The following PDGFD variants were observed in gnomAD, a reference collection of about 807,000 sequenced individuals.
The protein encoded by PDGFD is platelet derived growth factor D, also known as platelet-derived growth factor D.
Under a neutral mutation model 44.7 loss-of-function variants are expected in PDGFD, and 30 were observed. The ratio of observed to expected loss-of-function variants is 0.67; its 90% CI spans 0.50 to 0.91. The LOEUF (loss-of-function observed/expected upper bound fraction) is 0.91, where lower values mean the gene tolerates loss of function less well. Among genes scored for constraint, PDGFD ranks in the 40% least tolerant of loss-of-function variants. The pLI, the probability that PDGFD is intolerant of heterozygous loss-of-function variation, is 0.00. For missense variants in PDGFD, 445 were observed against 457.8 expected, an observed-to-expected ratio of 0.97 and a Z score of 0.25; for synonymous variants, 173 against 168.4, an observed-to-expected ratio of 1.03 and a Z score of -0.21.
At chr11:104,136,376 C>T (rs1475874964) in intron 1 of PDGFD, among the ~76,000 whole-genome samples, 1 of 152,122 alleles carries the variant, frequency 6.6e-6, no homozygotes, top group Admixed American at 6.5e-5. Context: ...TCAAAAAACC[C>T]AGCAATCCTC....
At chr11:104,010,645 G>C (rs1859770415) in intron 1 of PDGFD, among the ~76,000 whole-genome samples, 1 of 151,890 alleles carries the variant, frequency 6.6e-6, no homozygotes, top group Admixed American at 6.6e-5. Flanking sequence ...ATTTGAATCT[G>C]GATAAAGATT....
intron 3 of PDGFD, among the ~76,000 whole-genome samples, chr11:103,954,242 T>G (rs978420353): frequency 1.3e-5 from 2 of 152,202 alleles, no homozygotes; most frequent in African/African-American, 4.8e-5. Flanking sequence ...ATCCACTCAT[T>G]CATTCAGCAG....
chr11:104,063,215 T>C (rs1591145433), intron 1 of PDGFD, among the ~76,000 whole-genome samples: 2 of 151,872 alleles, frequency 1.3e-5, no homozygotes, highest in East Asian at 1.9e-4. Context: ...AGGCAATACA[T>C]ACCAATATCA....
chr11:103,972,289 AC>A (rs1245328628), intron 3 of PDGFD, among the ~76,000 whole-genome samples: 1 of 151,716 alleles, frequency 6.6e-6, no homozygotes, highest in East Asian at 1.9e-4. Flanking sequence ...ATCCATCCTT[AC>A]CCCCACATTG....
At chr11:103,918,740 C>A (rs906201814) in intron 6 of PDGFD, among the ~76,000 whole-genome samples, 3 of 152,164 alleles carry the variant, frequency 2.0e-5, no homozygotes. Flanking sequence ...ATTGGACTGC[C>A]TTACTGGATG....
intron 1 of PDGFD, among the ~76,000 whole-genome samples, chr11:104,104,761 A>T (rs1861448862): frequency 6.6e-6 from 1 of 152,116 alleles, no homozygotes; most frequent in Non-Finnish European, 1.5e-5. Context: ...TTGTTGAGTG[A>T]TTCATGATTG....
At chr11:104,102,697 G>A (rs552595842) in intron 1 of PDGFD, among the ~76,000 whole-genome samples, 53 of 152,280 alleles carry the variant, frequency 3.5e-4, no homozygotes, top group Non-Finnish European at 6.9e-4. Flanking sequence ...ATCAGTGATA[G>A]ACTGGATTAA....
intron 1 of PDGFD, among the ~76,000 whole-genome samples, chr11:104,032,836 A>T (rs1860150365): frequency 6.6e-6 from 1 of 152,084 alleles, no homozygotes; most frequent in African/African-American, 2.4e-5. Flanking sequence ...GAGACTCTGC[A>T]GGAATCTCAC....
chr11:104,160,653 G>A (rs1279532636), intron 1 of PDGFD, among the ~76,000 whole-genome samples: 1 of 152,176 alleles, frequency 6.6e-6, no homozygotes, highest in East Asian at 1.9e-4. Context: ...ATTAAGTACT[G>A]TAAATTATTA....
intron 3 of PDGFD, among the ~76,000 whole-genome samples, chr11:103,991,646 C>T (rs1044738029): frequency 6.6e-6 from 1 of 152,234 alleles, no homozygotes; most frequent in South Asian, 2.1e-4. Context: ...AAATGTACCT[C>T]ACATTAACAC....
intron 1 of PDGFD, among the ~76,000 whole-genome samples, chr11:104,083,019 G>A (rs977784721): frequency 1.3e-5 from 2 of 152,070 alleles, no homozygotes; most frequent in African/African-American, 2.4e-5. Flanking sequence ...GGTTTACTGC[G>A]AAAATCTTCA....
rs117063857 is a variant in PDGFD, at chr11:103,962,332, G to C, written c.511-14608C>G. ...GAGTTAGAATGTTTTCCTGATCAGA[G>C]GATTCAATAGATGAGAATCCCTTAA... On this transcript the variant is annotated intron_variant, in intron 3 of 6. Coordinates refer to ENST00000393158, the MANE Select transcript of PDGFD (RefSeq NM_025208.5). 4.6e-3 allele frequency among the ~76,000 whole-genome samples: 702 copies of C among 152,188 alleles called. 3 individuals are homozygous for C. The highest frequency in any genetic ancestry group is 9.6e-3 in the Admixed American group (146 of 15,278).
intron 3 of PDGFD, among the ~76,000 whole-genome samples, chr11:103,989,028 T>C (rs1304926961): frequency 1.3e-5 from 2 of 152,024 alleles, no homozygotes; most frequent in East Asian, 3.8e-4. Context: ...CATCTTATTA[T>C]TATTATTTTA....
At chr11:104,006,975 C>T (rs1368723662) in intron 1 of PDGFD, among the ~76,000 whole-genome samples, 1 of 152,188 alleles carries the variant, frequency 6.6e-6, no homozygotes, top group Admixed American at 6.5e-5. Flanking sequence ...GACAGCAAGG[C>T]TAAAAGTGCA....
intron 1 of PDGFD, among the ~76,000 whole-genome samples, chr11:104,016,513 C>T (rs1859859833): frequency 6.6e-6 from 1 of 152,246 alleles, no homozygotes. Flanking sequence ...CCAAGACTGG[C>T]TTGGACCCAC....
In PDGFD at chr11:103,907,202, C is replaced by A. The variant is rs1857947000; in HGVS notation, c.*2492G>T. The A allele has an allele frequency of 6.6e-6, 1 of 151,434 alleles. No individual in the cohort carries two copies. The highest frequency in any genetic ancestry group is 2.4e-5 in the African/African-American group (1 of 41,186). 9.4% of individuals were successfully genotyped at this position (151,434 alleles called of 1,614,324 possible). On this transcript the variant is annotated 3_prime_UTR_variant, in exon 7 of 7. Transcript: ENST00000393158. Reference sequence around the variant, plus strand: ...ATAATGGAGTAGTTTTGTTCAAAAGCAATATTTATTTTTCATGAAGATAAG... The same window carrying A: ...ATAATGGAGTAGTTTTGTTCAAAAGAAATATTTATTTTTCATGAAGATAAG...
At chr11:104,158,960 C>T (rs1206553751) in intron 1 of PDGFD, among the ~76,000 whole-genome samples, 1 of 151,780 alleles carries the variant, frequency 6.6e-6, no homozygotes, top group African/African-American at 2.4e-5. Flanking sequence ...CAAGACCAGC[C>T]TTACCAAGAT....
At chr11:103,933,788 G>A (rs1462797161) in intron 5 of PDGFD, among the ~76,000 whole-genome samples, 1 of 152,172 alleles carries the variant, frequency 6.6e-6, no homozygotes, top group Non-Finnish European at 1.5e-5. Flanking sequence ...GAGGACTTAA[G>A]TGACTTGCCT....
intron 6 of PDGFD, among the ~76,000 whole-genome samples, chr11:103,920,872 C>G (rs1858205062): frequency 6.6e-6 from 1 of 152,172 alleles, no homozygotes; most frequent in Non-Finnish European, 1.5e-5. Flanking sequence ...AGCATTTCAA[C>G]CACCAATTTG....
Sources: allele counts gnomAD v4.1 joint callset (sites outside exome capture counted in the v4.1 genomes callset), GRCh38; gene constraint gnomAD v4.1.1; transcripts MANE v1.5; gene names NCBI Gene and HGNC (gene_info 2026-07-23, HGNC 2026-07-21).